The following ADAMTS9 variants were observed in gnomAD, a reference collection of about 807,000 sequenced individuals.
ADAMTS9 encodes A disintegrin and metalloproteinase with thrombospondin motifs 9.
Under a neutral mutation model 257.1 loss-of-function variants are expected in ADAMTS9, and 107 were observed. That is an observed-to-expected ratio of 0.42 (90% CI 0.36 to 0.49). The LOEUF (loss-of-function observed/expected upper bound fraction) is 0.49, where lower values mean the gene tolerates loss of function less well. ADAMTS9 is among the 20% of genes least tolerant of loss of function. The probability of loss-of-function intolerance (pLI) is 0.03; values close to 1 mark genes in which losing one functional copy is unlikely to be tolerated. For synonymous variants in ADAMTS9, 982 were observed against 880.9 expected (o/e 1.11, Z -2.03); for missense variants, 2,353 against 2,469.1 (o/e 0.95, Z 1.00).
intron 7 of ADAMTS9, 42 bp downstream of exon 7, chr3:64,654,529 GT>G (rs1423634553): frequency 4.1e-6 from 6 of 1,477,066 alleles, no homozygotes; most frequent in African/African-American, 5.8e-5. Flanking sequence ...CAAACATGTA[GT>G]AAAACGGTTT....
chr3:64,661,311 G>A (rs980809767), intron 3 of ADAMTS9, among the ~76,000 whole-genome samples: 1 of 135,710 alleles, frequency 7.4e-6, no homozygotes, highest in Non-Finnish European at 1.5e-5. Context: ...ATACATATAT[G>A]AGCTTTCAAT....
At chr3:64,650,515 A>G in intron 9 of ADAMTS9, 1 of 154,108 alleles carries the variant, frequency 6.5e-6, no homozygotes, top group Non-Finnish European at 1.4e-5. Flanking sequence ...AAAAGAGAAA[A>G]GGGAGAGGGA....
At position 64,687,479 on chromosome 3, in the gene ADAMTS9, C is replaced by A; in HGVS notation, c.115+64G>T. Reference sequence around the variant, plus strand: ...GCCTCCGCTGCGGGGTGCCCCTGCCCAGGAGCGAGGACCGGGAGGCGGCGT... The same window carrying A: ...GCCTCCGCTGCGGGGTGCCCCTGCCAAGGAGCGAGGACCGGGAGGCGGCGT... On this transcript the variant is annotated intron_variant, in intron 1 of 39. Transcript: ENST00000498707. The surrounding 1 kb of genome is among the most constrained non-coding windows in gnomAD (Gnocchi z 4.4). 7.4e-7 allele frequency: 1 copy of A among 1,346,106 alleles called. No individual in the cohort carries two copies. Among genetic ancestry groups the A allele is most frequent in the Non-Finnish European group, 1.0e-6 (1 of 995,412 alleles). The allele number at this position is 1,346,106 out of a possible 1,614,324, so 83.4% of individuals were successfully genotyped here. A position where few individuals can be genotyped will look rare whatever the true frequency, so the allele number is the denominator to read the frequency against.
At chr3:64,645,572 A>C (rs963789298) in intron 11 of ADAMTS9, among the ~76,000 whole-genome samples, 42 of 152,328 alleles carry the variant, frequency 2.8e-4, no homozygotes, top group African/African-American at 9.9e-4. Flanking sequence ...AAACAAAGCA[A>C]AACACTCAGA....
At chr3:64,558,425 T>C in intron 30 of ADAMTS9, among the ~76,000 whole-genome samples, 1 of 152,206 alleles carries the variant, frequency 6.6e-6, no homozygotes, top group Non-Finnish European at 1.5e-5. Flanking sequence ...TGTAGCTTAG[T>C]AAACAATAAG....
chr3:64,611,231 G>C (rs569220661), intron 22 of ADAMTS9, among the ~76,000 whole-genome samples: 5 of 152,138 alleles, frequency 3.3e-5, no homozygotes, highest in African/African-American at 9.6e-5. Context: ...ATAGCCAAAG[G>C]TAGAAACAAC....
chr3:64,649,618 GTGGCCCTCCTACAC>G lies in ADAMTS9; in HGVS notation c.1605+5_1605+18del, dbSNP rs1362713266. ...GCAGAATCAGTAGATGAGGGCAGAAGTGGCCCTCCTACACTTACCATATATGGGCACACCTGAGA... is the reference window on the plus strand; with the variant it reads ...GCAGAATCAGTAGATGAGGGCAGAAGTTACCATATATGGGCACACCTGAGA... On this transcript the variant is annotated splice_donor_5th_base_variant and intron_variant, in intron 10 of 39. Coordinates refer to ENST00000498707, the MANE Select transcript of ADAMTS9 (RefSeq NM_182920.2). The G allele has an allele frequency of 1.9e-6, 3 of 1,597,190 alleles. No homozygotes were observed. In the South Asian group the frequency reaches 3.4e-5, roughly 18 times the overall value.
At chr3:64,673,949 T>C (rs1316706807) in intron 3 of ADAMTS9, among the ~76,000 whole-genome samples, 1 of 151,976 alleles carries the variant, frequency 6.6e-6, no homozygotes, top group Non-Finnish European at 1.5e-5. Context: ...AATAAAATGG[T>C]TTTTAAAAAC....
At chr3:64,539,417 AGAAGCAATGT>A (rs959277638) in intron 36 of ADAMTS9, 123 bp from the exon 37 acceptor site, 2 of 800,722 alleles carry the variant, frequency 2.5e-6, no homozygotes, top group African/African-American at 3.4e-5. Context: ...TGGGAGAGAA[AGAAGCAATGT>A]GAAATATTAG....
intron 38 of ADAMTS9, among the ~76,000 whole-genome samples, chr3:64,532,822 G>A (rs1354075027): frequency 6.6e-6 from 1 of 152,114 alleles, no homozygotes; most frequent in African/African-American, 2.4e-5. Flanking sequence ...TTCATAGAAC[G>A]AACCGCAAGC....
chr3:64,550,741 G>T, intron 31 of ADAMTS9, 151 bp downstream of exon 31: 1 of 903,048 alleles, frequency 1.1e-6, no homozygotes, highest in Non-Finnish European at 1.7e-6. Flanking sequence ...TGGGAAAGCT[G>T]AGGACTTGTC....
intron 16 of ADAMTS9, among the ~76,000 whole-genome samples, chr3:64,629,949 A>C (rs2106886572): frequency 6.6e-6 from 1 of 152,360 alleles, no homozygotes; most frequent in South Asian, 2.1e-4. Flanking sequence ...AGTTCAACAA[A>C]TACTCATTTA....
At chr3:64,594,040 GGTCC>G (rs2084313521) in intron 28 of ADAMTS9, among the ~76,000 whole-genome samples, 1 of 151,190 alleles carries the variant, frequency 6.6e-6, no homozygotes, top group Non-Finnish European at 1.5e-5. Context: ...CTTGGCACCA[GGTCC>G]TGTATGAGGT....
chr3:64,660,276 AG>A (rs2106976465), intron 3 of ADAMTS9, among the ~76,000 whole-genome samples: 2 of 152,352 alleles, frequency 1.3e-5, no homozygotes, highest in East Asian at 3.9e-4. Flanking sequence ...AATTAAAAAC[AG>A]TTAAATTTTA....
intron 21 of ADAMTS9, 27 bp from the exon 22 acceptor site, chr3:64,613,536 G>A (rs1161326720): frequency 1.9e-6 from 3 of 1,601,470 alleles, no homozygotes; most frequent in Non-Finnish European, 1.7e-6. Flanking sequence ...AGCTAGTCAG[G>A]GTCATTTCTG....
chr3:64,527,317 T>C (rs946377846), intron 38 of ADAMTS9, among the ~76,000 whole-genome samples: 2 of 152,240 alleles, frequency 1.3e-5, no homozygotes, highest in African/African-American at 2.4e-5. Flanking sequence ...TTGTATTTCA[T>C]ACTTTTCACT....
intron 26 of ADAMTS9, among the ~76,000 whole-genome samples, chr3:64,597,795 T>C (rs2084391663): frequency 6.6e-6 from 1 of 152,210 alleles, no homozygotes; most frequent in Admixed American, 6.5e-5. Context: ...ATAACTTCTT[T>C]ATCTTTTTAA....
At chr3:64,594,229 T>C (rs548464281) in intron 28 of ADAMTS9, 29 bp downstream of exon 28, 1 of 1,591,710 alleles carries the variant, frequency 6.3e-7, no homozygotes, top group South Asian at 1.1e-5. Context: ...GATAGTTTGG[T>C]TAACAAACAT....
chr3:64,553,150 T>C (rs554073918), intron 30 of ADAMTS9, among the ~76,000 whole-genome samples: 1 of 152,308 alleles, frequency 6.6e-6, no homozygotes, highest in African/African-American at 2.4e-5. Flanking sequence ...CCCCATCTAG[T>C]TCCAGAATAT....
Sources: allele counts gnomAD v4.1 joint callset (sites outside exome capture counted in the v4.1 genomes callset), GRCh38; gene constraint gnomAD v4.1.1; non-coding constraint Gnocchi (gnomAD v3.1); transcripts MANE v1.5; gene names NCBI Gene and HGNC (gene_info 2026-07-23, HGNC 2026-07-21).